The following MACROD2 variants were observed in gnomAD, a reference collection of about 807,000 sequenced individuals.
The protein encoded by MACROD2 is mono-ADP ribosylhydrolase 2.
A neutral mutation model predicts 70.4 loss-of-function variants in MACROD2; 36 were observed. The observed-to-expected ratio is 0.51, with a 90% CI of 0.39 to 0.68. MACROD2 has a LOEUF of 0.68. MACROD2 is among the 30% of genes least tolerant of loss of function. The pLI is 0.00. For missense variants in MACROD2, 496 were observed against 538.4 expected (o/e 0.92, Z 0.78); for synonymous variants, 172 against 178.8 (o/e 0.96, Z 0.30).
At chr20:14,354,574 G>T (rs1568574000) in intron 3 of MACROD2, among the ~76,000 whole-genome samples, 3 of 152,072 alleles carry the variant, frequency 2.0e-5, no homozygotes, top group Admixed American at 2.0e-4. Context: ...GATGTCATTT[G>T]CCCTTTCCCC....
chr20:15,470,631 C>A (rs2046952622), intron 7 of MACROD2, among the ~76,000 whole-genome samples: 2 of 152,170 alleles, frequency 1.3e-5, no homozygotes, highest in Non-Finnish European at 2.9e-5. Context: ...CCCTCATGGG[C>A]TCTCCCTTTC....
chr20:14,862,217 ATATAAAT>A (rs1321827277), intron 5 of MACROD2, among the ~76,000 whole-genome samples: 3 of 46,494 alleles, frequency 6.5e-5, no homozygotes, highest in African/African-American at 2.6e-4. Context: ...ATATATATAT[ATATAAAT>A]ATATATAAAT....
intron 4 of MACROD2, among the ~76,000 whole-genome samples, chr20:14,495,781 A>G (rs1257736030): frequency 2.0e-5 from 3 of 152,144 alleles, no homozygotes; most frequent in Non-Finnish European, 4.4e-5. Context: ...CTATTTAGCT[A>G]AAGTCTTTAT....
At chr20:14,874,149 T>C (rs2073521659) in intron 5 of MACROD2, among the ~76,000 whole-genome samples, 1 of 152,030 alleles carries the variant, frequency 6.6e-6, no homozygotes, top group Admixed American at 6.6e-5. Context: ...AACAGCTTTG[T>C]TTAATTCTCT....
intron 6 of MACROD2, among the ~76,000 whole-genome samples, chr20:15,302,582 C>G (rs73614405): frequency 2.0e-5 from 3 of 152,132 alleles, no homozygotes; most frequent in Non-Finnish European, 4.4e-5. Context: ...GATGGATATT[C>G]CATTTGCTTC....
At chr20:14,081,904 TGTTA>T (rs1421971389) in intron 2 of MACROD2, among the ~76,000 whole-genome samples, 5 of 152,202 alleles carry the variant, frequency 3.3e-5, no homozygotes, top group African/African-American at 1.2e-4. Flanking sequence ...AAGAGCCTCA[TGTTA>T]GTTTTTAAAA....
chr20:15,616,097 T>TC (rs1344333713), intron 8 of MACROD2, among the ~76,000 whole-genome samples: 2 of 146,216 alleles, frequency 1.4e-5, no homozygotes, highest in Admixed American at 6.8e-5. Context: ...AGTTCCCCAT[T>TC]CTTTTTTTTT....
chr20:15,128,146 T>A (rs1000713085), intron 5 of MACROD2, among the ~76,000 whole-genome samples: 8 of 152,224 alleles, frequency 5.3e-5, no homozygotes, highest in Admixed American at 3.3e-4. Flanking sequence ...AAGGGTAGTT[T>A]TAAAAAGAGG....
chr20:15,644,392 A>G (rs949826627), intron 8 of MACROD2, among the ~76,000 whole-genome samples: 2 of 152,162 alleles, frequency 1.3e-5, no homozygotes, highest in South Asian at 2.1e-4. Flanking sequence ...AAATCCAGGG[A>G]GAATCCTAGT....
intron 5 of MACROD2, among the ~76,000 whole-genome samples, chr20:15,173,561 T>C (rs1245981640): frequency 1.3e-5 from 2 of 152,210 alleles, no homozygotes; most frequent in Admixed American, 6.5e-5. Flanking sequence ...TCTTGTCCCA[T>C]GTAGCACAGA....
intron 4 of MACROD2, among the ~76,000 whole-genome samples, chr20:14,583,231 A>G (rs1159634049): frequency 1.3e-5 from 2 of 152,146 alleles, no homozygotes; most frequent in East Asian, 3.8e-4. Context: ...CTTCCTGCCC[A>G]TGGCCTTCTT....
chr20:15,694,591 G>T (rs1393182224), intron 8 of MACROD2, among the ~76,000 whole-genome samples: 1 of 151,676 alleles, frequency 6.6e-6, no homozygotes, highest in Non-Finnish European at 1.5e-5. Context: ...TGATCTGTTT[G>T]AGTTCATTGT....
intron 5 of MACROD2, among the ~76,000 whole-genome samples, chr20:14,903,230 G>A (rs1007122007): frequency 6.6e-5 from 10 of 151,784 alleles, no homozygotes; most frequent in South Asian, 2.1e-4. Flanking sequence ...TAGTAGAGAC[G>A]GGGTTTCACC....
At chr20:14,649,441 A>G (rs894282991) in intron 4 of MACROD2, among the ~76,000 whole-genome samples, 2 of 152,164 alleles carry the variant, frequency 1.3e-5, no homozygotes, top group African/African-American at 4.8e-5. Context: ...GCTTATAGGA[A>G]CAATCATCTG....
rs1178470911 is a variant in MACROD2 at position 15,153,903 on chromosome 20, T to C, written c.419-76037T>C. ...AGTGTATTTTTCCAGAAGGATTTTT[T>C]ATACTTTGACAGAATGTTCAAAGGA... On this transcript the variant is annotated intron_variant, in intron 5 of 17. Coordinates refer to ENST00000684519, the MANE Select transcript of MACROD2 (RefSeq NM_001351661.2). 2.6e-5 allele frequency among the ~76,000 whole-genome samples: 4 copies of C among 152,198 alleles called. No homozygotes were observed. In the South Asian group the frequency reaches 6.2e-4, roughly 24 times the overall value.
intron 5 of MACROD2, among the ~76,000 whole-genome samples, chr20:15,119,845 A>C (rs991005231): frequency 6.6e-6 from 1 of 152,362 alleles, no homozygotes; most frequent in Non-Finnish European, 1.5e-5. Context: ...CATAACCTTG[A>C]GGTTTCTCAC....
intron 4 of MACROD2, among the ~76,000 whole-genome samples, chr20:14,666,653 C>A (rs2070739591): frequency 6.6e-6 from 1 of 151,756 alleles, no homozygotes; most frequent in Admixed American, 6.6e-5. Flanking sequence ...ATTTATGTCC[C>A]CAGCGCTTGA....
At position 14,326,998 on chromosome 20, in the gene MACROD2, G is replaced by C. The variant is rs1462518770; in HGVS notation, c.272-166481G>C. On this transcript the variant is annotated intron_variant, in intron 3 of 17. Coordinates refer to ENST00000684519, the MANE Select transcript of MACROD2 (RefSeq NM_001351661.2). The surrounding 1 kb of genome is among the most constrained non-coding windows in gnomAD (Gnocchi z 5.5). ...TTCTATAGTCCTGGGCAAACCCCAG[G>C]GAATTGTGCTAAGGTGATTACGGGA... 1 of 1,613,692 alleles carries C rather than the reference G, an allele frequency of 6.2e-7. No homozygotes were observed. The highest frequency in any genetic ancestry group is 1.1e-5 in the South Asian group (1 of 91,074).
At chr20:15,058,309 C>T (rs938339647) in intron 5 of MACROD2, among the ~76,000 whole-genome samples, 3 of 152,088 alleles carry the variant, frequency 2.0e-5, no homozygotes, top group African/African-American at 7.2e-5. Flanking sequence ...CCCCAGCAAC[C>T]CCAATACCTG....
Sources: gnomAD v4.1 joint callset for allele counts (sites outside exome capture counted in the v4.1 genomes callset) on GRCh38, gnomAD v4.1.1 for gene constraint, Gnocchi (gnomAD v3.1) non-coding constraint, MANE v1.5 for transcripts, NCBI Gene and HGNC (gene_info 2026-07-23, HGNC 2026-07-21) for gene names.